The following RBFOX1 variants were observed in gnomAD, a reference collection of about 807,000 sequenced individuals.
RBFOX1 encodes RNA binding protein fox-1 homolog 1.
A neutral mutation model predicts 57.7 loss-of-function variants in RBFOX1; 8 were observed. The observed-to-expected ratio is 0.14, with a 90% CI of 0.08 to 0.25. RBFOX1 has a LOEUF of 0.25. Among genes scored for constraint, RBFOX1 ranks in the 10% least tolerant of loss-of-function variants. The pLI is 1.00. For missense variants in RBFOX1, 611 were observed against 548.5 expected (o/e 1.11, Z -1.14); for synonymous variants, 326 against 222.4 (o/e 1.47, Z -4.15).
intron 4 of RBFOX1, among the ~76,000 whole-genome samples, chr16:7,141,287 T>C (rs1457245154): frequency 6.6e-6 from 1 of 152,194 alleles, no homozygotes; most frequent in Non-Finnish European, 1.5e-5. Context: ...TCACACCCAA[T>C]ATTTATTCAT....
intron 2 of RBFOX1, among the ~76,000 whole-genome samples, chr16:5,536,294 G>A (rs748371354): frequency 6.9e-6 from 1 of 144,812 alleles, no homozygotes; most frequent in Non-Finnish European, 1.5e-5. Context: ...GAGTGCAGTG[G>A]CATGATCTTG....
At chr16:6,969,951 AT>A (rs1369464304) in intron 3 of RBFOX1, among the ~76,000 whole-genome samples, 2 of 148,694 alleles carry the variant, frequency 1.3e-5, no homozygotes, top group Non-Finnish European at 3.0e-5. Flanking sequence ...ATGTCACACA[AT>A]AAGGACACGT....
At chr16:6,408,029 A>C (rs1411587751) in intron 2 of RBFOX1, among the ~76,000 whole-genome samples, 1 of 152,090 alleles carries the variant, frequency 6.6e-6, no homozygotes, top group African/African-American at 2.4e-5. Flanking sequence ...GGCCAGAGGA[A>C]GCTTGTTTAC....
At chr16:6,016,354 A>G (rs1208698203), upstream of RBFOX1, among the ~76,000 whole-genome samples, 2 of 152,198 alleles carry the variant, frequency 1.3e-5, no homozygotes, top group Non-Finnish European at 2.9e-5. Context: ...AGGAAAAGAG[A>G]GTATGTAAGG....
At chr16:5,287,879 T>C (rs913851911) in intron 1 of RBFOX1, among the ~76,000 whole-genome samples, 2 of 152,218 alleles carry the variant, frequency 1.3e-5, no homozygotes, top group Non-Finnish European at 2.9e-5. Context: ...GAGTCTTGGA[T>C]GCAGGGAGGA....
intron 3 of RBFOX1, among the ~76,000 whole-genome samples, chr16:6,808,002 A>G (rs1006263971): frequency 6.6e-6 from 1 of 150,388 alleles, no homozygotes; most frequent in Non-Finnish European, 1.5e-5. Flanking sequence ...TATGCATAGA[A>G]CTATATATAA....
chr16:7,697,475 C>G (rs1428717342), intron 14 of RBFOX1, among the ~76,000 whole-genome samples: 1 of 150,996 alleles, frequency 6.6e-6, no homozygotes, highest in Non-Finnish European at 1.5e-5. Context: ...AACTTACTGT[C>G]ATTTATTGAG....
chr16:6,357,892 A>G (rs1025024099), intron 2 of RBFOX1, among the ~76,000 whole-genome samples: 6 of 151,406 alleles, frequency 4.0e-5, no homozygotes, highest in African/African-American at 1.5e-4. Context: ...TGGAGGTTTC[A>G]GTGAGCTTGA....
intron 3 of RBFOX1, among the ~76,000 whole-genome samples, chr16:6,991,440 T>A (rs2091436506): frequency 6.6e-6 from 1 of 152,202 alleles, no homozygotes; most frequent in Non-Finnish European, 1.5e-5. Flanking sequence ...ATAGGGGAAC[T>A]GACACAATGA....
At chr16:5,857,763 G>GA (rs367716165) in intron 3 of RBFOX1, among the ~76,000 whole-genome samples, 1,608 of 147,356 alleles carry the variant, frequency 0.011, 39 homozygotes, top group East Asian at 0.077. Context: ...CTCTACCAAG[G>GA]AAAAAAAAAA....
intron 6 of RBFOX1, among the ~76,000 whole-genome samples, chr16:7,580,835 T>G (rs552595039): frequency 2.0e-5 from 3 of 152,200 alleles, no homozygotes; most frequent in Non-Finnish European, 4.4e-5. Flanking sequence ...CCAGCAATGA[T>G]AGCAGGTGCC....
chr16:7,122,543 G>T (rs1190188199), intron 4 of RBFOX1, among the ~76,000 whole-genome samples: 1 of 152,076 alleles, frequency 6.6e-6, no homozygotes, highest in Non-Finnish European at 1.5e-5. Context: ...CCTAGTAGAG[G>T]CATAAGATAA....
intron 5 of RBFOX1, among the ~76,000 whole-genome samples, chr16:7,533,029 C>G (rs1488720416): frequency 6.6e-6 from 1 of 152,202 alleles, no homozygotes; most frequent in Non-Finnish European, 1.5e-5. Flanking sequence ...ATGGAAAAAT[C>G]TAACAAAACA....
intron 8 of RBFOX1, among the ~76,000 whole-genome samples, chr16:7,596,205 C>G (rs1479541774): frequency 7.3e-6 from 1 of 136,354 alleles, no homozygotes; most frequent in Non-Finnish European, 1.6e-5. Flanking sequence ...GTTTGAATTT[C>G]TGTATTCTTT....
intron 4 of RBFOX1, among the ~76,000 whole-genome samples, chr16:7,169,561 C>G (rs1298065955): frequency 2.0e-5 from 3 of 152,180 alleles, no homozygotes; most frequent in Non-Finnish European, 4.4e-5. Context: ...CAGTGATGTA[C>G]ATGATTAATT....
intron 1 of RBFOX1, among the ~76,000 whole-genome samples, chr16:5,351,440 C>A (rs1010834381): frequency 6.6e-6 from 1 of 152,146 alleles, no homozygotes; most frequent in Non-Finnish European, 1.5e-5. Context: ...AGGATTTGAA[C>A]TTCAGGCTGG....
At chr16:7,653,650 G>A (rs980812649) in intron 11 of RBFOX1, among the ~76,000 whole-genome samples, 165 bp from the exon 12 acceptor site, 1 of 152,158 alleles carries the variant, frequency 6.6e-6, no homozygotes, top group East Asian at 1.9e-4. Context: ...TCCCACCCTG[G>A]CCACCGTGCT....
chr16:7,629,654 C>A (rs1464981220), intron 10 of RBFOX1, among the ~76,000 whole-genome samples: 4 of 152,184 alleles, frequency 2.6e-5, no homozygotes, highest in Non-Finnish European at 4.4e-5. Flanking sequence ...CCTGACAATT[C>A]CTGACCCCAG....
At chr16:6,647,447 C>A (rs945304618) in intron 2 of RBFOX1, among the ~76,000 whole-genome samples, 11 of 152,062 alleles carry the variant, frequency 7.2e-5, no homozygotes, top group Admixed American at 7.2e-4. Context: ...GGGGTTTCAC[C>A]TTGTTGGCCA....
Sources: gnomAD v4.1 joint callset for allele counts (sites outside exome capture counted in the v4.1 genomes callset) on GRCh38, gnomAD v4.1.1 for gene constraint, MANE v1.5 for transcripts, NCBI Gene and HGNC (gene_info 2026-07-23, HGNC 2026-07-21) for gene names.